The following RNF152 variants were observed in gnomAD, a reference collection of about 807,000 sequenced individuals.
RNF152 encodes E3 ubiquitin-protein ligase RNF152.
In RNF152, 11 loss-of-function variants were observed where a neutral mutation model predicts 12.7. The ratio of observed to expected loss-of-function variants is 0.86; its 90% CI spans 0.54 to 1.43. The LOEUF (loss-of-function observed/expected upper bound fraction) is 1.43, where lower values mean the gene tolerates loss of function less well. Ranked by LOEUF, RNF152 falls within the 40% of genes most tolerant of loss-of-function variation. The probability of loss-of-function intolerance (pLI) is 0.00; values close to 1 mark genes in which losing one functional copy is unlikely to be tolerated. For missense variants in RNF152, 255 were observed against 274.8 expected, an observed-to-expected ratio of 0.93 and a Z score of 0.51; for synonymous variants, 113 against 120.3, an observed-to-expected ratio of 0.94 and a Z score of 0.40.
At chr18:61,862,106 G>A (rs1306014924) in intron 1 of RNF152, among the ~76,000 whole-genome samples, 1 of 152,114 alleles carries the variant, frequency 6.6e-6, no homozygotes, top group East Asian at 1.9e-4. Flanking sequence ...GCTGGGGAAG[G>A]ACCATGAGTG....
chr18:61,865,667 G>T (rs897470968), intron 1 of RNF152, among the ~76,000 whole-genome samples: 5 of 152,076 alleles, frequency 3.3e-5, no homozygotes, highest in Non-Finnish European at 5.9e-5. Flanking sequence ...TTGCCACAGA[G>T]AGTTTCACAA....
intron 1 of RNF152, among the ~76,000 whole-genome samples, chr18:61,849,352 G>A (rs1232810407): frequency 6.6e-6 from 1 of 152,116 alleles, no homozygotes; most frequent in African/African-American, 2.4e-5. Flanking sequence ...GAATTTCCCT[G>A]GACCCATAAT....
chr18:61,821,592 C>T (rs1909413292), intron 1 of RNF152, among the ~76,000 whole-genome samples: 1 of 152,170 alleles, frequency 6.6e-6, no homozygotes, highest in Non-Finnish European at 1.5e-5. Flanking sequence ...AGTTCCCTGT[C>T]AAGCGTGTTA....
intron 1 of RNF152, among the ~76,000 whole-genome samples, chr18:61,881,846 T>C (rs1734705445): frequency 1.3e-5 from 2 of 152,226 alleles, no homozygotes; most frequent in Admixed American, 1.3e-4. Context: ...CTTATTTCCT[T>C]CTCAGAGAAG....
At chr18:61,836,205 G>A (rs1910175473) in intron 1 of RNF152, among the ~76,000 whole-genome samples, 1 of 152,130 alleles carries the variant, frequency 6.6e-6, no homozygotes. Flanking sequence ...TACAAAGTGA[G>A]CCTGGAATGT....
chr18:61,834,758 C>A (rs1043579796), intron 1 of RNF152, among the ~76,000 whole-genome samples: 1 of 152,194 alleles, frequency 6.6e-6, no homozygotes, highest in Non-Finnish European at 1.5e-5. Flanking sequence ...AAGATTCATA[C>A]ATTATCAGTA....
intron 1 of RNF152, among the ~76,000 whole-genome samples, chr18:61,864,766 G>T (rs889703413): frequency 6.6e-6 from 1 of 152,166 alleles, no homozygotes; most frequent in African/African-American, 2.4e-5. Context: ...AGGAGTTTAT[G>T]GTCGGGCACA....
chr18:61,841,059 A>G (rs1910432635), intron 1 of RNF152, among the ~76,000 whole-genome samples: 1 of 152,242 alleles, frequency 6.6e-6, no homozygotes, highest in Admixed American at 6.5e-5. Flanking sequence ...AGAAAGACCC[A>G]TGGGGCACAT....
rs1038159074 is a variant in RNF152 at position 61,810,705 on chromosome 18, A to G, written c.*5147T>C. ...ATGTTGAACAAAATCCAGCAACTGA[A>G]CATCGTTGCTTTTTAAATAGACTAC... On this transcript the variant is annotated 3_prime_UTR_variant, in exon 2 of 2. Coordinates refer to ENST00000312828, the MANE Select transcript of RNF152 (RefSeq NM_173557.3). 2.0e-5 allele frequency: 3 copies of G among 152,242 alleles called. No individual in the cohort carries two copies. The highest frequency in any genetic ancestry group is 7.2e-5 in the African/African-American group (3 of 41,474). 9.4% of individuals were successfully genotyped at this position (152,242 alleles called of 1,614,324 possible). A position where few individuals can be genotyped will look rare whatever the true frequency, so the allele number is the denominator to read the frequency against.
At chr18:61,883,552 G>A (rs1912561823) in intron 1 of RNF152, among the ~76,000 whole-genome samples, 1 of 152,152 alleles carries the variant, frequency 6.6e-6, no homozygotes, top group Non-Finnish European at 1.5e-5. Flanking sequence ...GCTTCAGGAT[G>A]TCAAACAACA....
intron 1 of RNF152, among the ~76,000 whole-genome samples, chr18:61,885,190 C>T (rs1477268526): frequency 2.6e-5 from 4 of 152,160 alleles, no homozygotes; most frequent in Non-Finnish European, 5.9e-5. Flanking sequence ...TATTAATCTT[C>T]GAGGAAGCAA....
At chr18:61,824,200 GA>G (rs1288706229) in intron 1 of RNF152, among the ~76,000 whole-genome samples, 19 of 152,170 alleles carry the variant, frequency 1.2e-4, no homozygotes, top group African/African-American at 4.6e-4. Flanking sequence ...TAGGAATCAG[GA>G]GATAAGGATT....
intron 1 of RNF152, among the ~76,000 whole-genome samples, chr18:61,846,673 C>T (rs1910756004): frequency 6.6e-6 from 1 of 152,204 alleles, no homozygotes. Context: ...TGGGCAAACA[C>T]CTGGCACCAG....
At position 61,811,297 on chromosome 18, in the gene RNF152, A is replaced by C. The variant is rs1464328035; in HGVS notation, c.*4555T>G. 1.3e-5 allele frequency: 2 copies of C among 152,222 alleles called. No individual in the cohort carries two copies. Among genetic ancestry groups the C allele is most frequent in the Non-Finnish European group, 2.9e-5 (2 of 68,048 alleles). The allele number at this position is 152,222 out of a possible 1,614,324, so 9.4% of individuals were successfully genotyped here. On this transcript the variant is annotated 3_prime_UTR_variant, in exon 2 of 2. Coordinates refer to ENST00000312828, the MANE Select transcript of RNF152 (RefSeq NM_173557.3). ...GAATAAATACCAGATTATCAGTAAGAATCTGGTCTTTATAGGAAATATATC... is the reference window on the plus strand; with the variant it reads ...GAATAAATACCAGATTATCAGTAAGCATCTGGTCTTTATAGGAAATATATC...
chr18:61,835,527 G>C (rs554256910), intron 1 of RNF152, among the ~76,000 whole-genome samples: 1 of 152,288 alleles, frequency 6.6e-6, no homozygotes, highest in Non-Finnish European at 1.5e-5. Context: ...AGAGAGGAAA[G>C]GCATGGGAGA....
rs1912724476 is a variant in RNF152 at position 61,886,854 on chromosome 18, A to G, written c.-136+5941T>C. ...CAAGTGGCCTTTGTAGAATGAATGAATGAATGTTGAATGAAATGAGAGATG... is the reference window on the plus strand; with the variant it reads ...CAAGTGGCCTTTGTAGAATGAATGAGTGAATGTTGAATGAAATGAGAGATG... On this transcript the variant is annotated intron_variant, in intron 1 of 1. Coordinates refer to ENST00000312828, the MANE Select transcript of RNF152 (RefSeq NM_173557.3). Among the ~76,000 whole-genome samples the G allele has an allele frequency of 2.6e-5, 4 of 152,388 alleles. No individual in the cohort carries two copies. The South Asian group carries it at 8.3e-4, about 32-fold the overall frequency.
chr18:61,864,474 C>T (rs771952065), intron 1 of RNF152, among the ~76,000 whole-genome samples: 22 of 152,156 alleles, frequency 1.4e-4, no homozygotes, highest in East Asian at 3.9e-4. Context: ...TCTTGGGAGG[C>T]GTCACCCTCC....
rs1252837263 is a variant in RNF152, at chr18:61,808,687, A to G, written c.*7165T>C. The stretch of plus-strand genomic sequence containing the variant: ...CAAACAAGTGGTGAAATGAAAAAAT[A>G]TATGACGGCAACCAGGATATATAAA... On this transcript the variant is annotated 3_prime_UTR_variant, in exon 2 of 2. Transcript: ENST00000312828. The G allele has an allele frequency of 6.6e-6, 1 of 152,230 alleles. No individual in the cohort carries two copies. Among genetic ancestry groups the G allele is most frequent in the Non-Finnish European group, 1.5e-5 (1 of 68,042 alleles). The allele number at this position is 152,230 out of a possible 1,614,324, so 9.4% of individuals were successfully genotyped here.
rs779580846 is a variant in RNF152 at position 61,816,171 on chromosome 18, C to G, written c.293G>C (p.Gly98Ala). Residue 98 changes from glycine (G) to alanine (A), a missense_variant, in exon 2 of 2, where the codon GGG becomes GCG. Physicochemically the swap from Gly to Ala is moderately conservative, Grantham distance 60. Coordinates refer to ENST00000312828, the MANE Select transcript of RNF152 (RefSeq NM_173557.3). ...GATGGGCAGGGGCAGCATGTAGCAC[C>G]CATTGCTGGGAAGTTTGATGAAGAC... The part of the protein sequence containing the change: ...TPVFIKLPSN[G>A]CYMLPLPISK... 6.2e-7 allele frequency: 1 copy of G among 1,614,232 alleles called. No homozygotes were observed. The highest frequency in any genetic ancestry group is 8.5e-7 in the Non-Finnish European group (1 of 1,180,034).
Sources: gnomAD v4.1 joint callset for allele counts (sites outside exome capture counted in the v4.1 genomes callset) on GRCh38, gnomAD v4.1.1 for gene constraint, MANE v1.5 for transcripts, NCBI Gene and HGNC (gene_info 2026-07-23, HGNC 2026-07-21) for gene names.